PTPRD: variants seen among roughly 807,000 people sequenced by gnomAD.
PTPRD encodes the protein protein tyrosine phosphatase receptor type D, also known as receptor-type tyrosine-protein phosphatase delta.
Under a neutral mutation model 214.5 loss-of-function variants are expected in PTPRD, and 34 were observed. That is an observed-to-expected ratio of 0.16 (90% CI 0.12 to 0.21). The LOEUF (loss-of-function observed/expected upper bound fraction) is 0.21. PTPRD is among the 10% of genes least tolerant of loss of function. PTPRD has a pLI of 1.00. For synonymous variants in PTPRD, 1,128 were observed against 845.7 expected, an observed-to-expected ratio of 1.33 and a Z score of -5.79; for missense variants, 2,545 against 2,398.7, an observed-to-expected ratio of 1.06 and a Z score of -1.27.
At chr9:8,402,296 T>C (rs1018306469) in intron 36 of PTPRD, among the ~76,000 whole-genome samples, 1 of 152,174 alleles carries the variant, frequency 6.6e-6, no homozygotes, top group African/African-American at 2.4e-5. Flanking sequence ...TTTGCTTTTA[T>C]AATATAAAAC....
At chr9:9,497,889 C>G (rs984130305) in intron 8 of PTPRD, among the ~76,000 whole-genome samples, 3 of 152,144 alleles carry the variant, frequency 2.0e-5, no homozygotes, top group African/African-American at 4.8e-5. Flanking sequence ...CAGCCAGAAT[C>G]TTCACATATC....
chr9:9,301,636 T>G (rs991846344), intron 9 of PTPRD, among the ~76,000 whole-genome samples: 4 of 151,926 alleles, frequency 2.6e-5, no homozygotes, highest in African/African-American at 9.7e-5. Flanking sequence ...AAGCCGACTT[T>G]TGATGGAACA....
At chr9:8,793,322 G>T (rs189057875) in intron 11 of PTPRD, among the ~76,000 whole-genome samples, 4 of 152,218 alleles carry the variant, frequency 2.6e-5, no homozygotes. Context: ...AACTGATAAG[G>T]AATTGAGGGT....
At chr9:8,342,615 G>A (rs900443930) in intron 39 of PTPRD, among the ~76,000 whole-genome samples, 3 of 152,172 alleles carry the variant, frequency 2.0e-5, no homozygotes, top group Admixed American at 1.3e-4. Flanking sequence ...TTAGGTAACA[G>A]GCAACAGACA....
intron 44 of PTPRD, among the ~76,000 whole-genome samples, chr9:8,320,535 C>G (rs1826325717): frequency 6.6e-6 from 1 of 151,582 alleles, no homozygotes; most frequent in African/African-American, 2.4e-5. Flanking sequence ...TTCACTTAGT[C>G]TTCAGGAGGG....
At chr9:8,525,098 G>T in intron 17 of PTPRD, 63 bp from the exon 18 acceptor site, 1 of 1,369,348 alleles carries the variant, frequency 7.3e-7, no homozygotes, top group Non-Finnish European at 1.0e-6. Context: ...AGTTCAGAAA[G>T]CTAAACCTCT....
intron 14 of PTPRD, among the ~76,000 whole-genome samples, chr9:8,559,542 A>G (rs1005420513): frequency 3.9e-5 from 6 of 152,182 alleles, no homozygotes; most frequent in African/African-American, 1.4e-4. Context: ...TCCTTTGTGG[A>G]TGTTCCCATC....
At chr9:9,796,000 T>C (rs1212759400) in intron 5 of PTPRD, among the ~76,000 whole-genome samples, 1 of 152,148 alleles carries the variant, frequency 6.6e-6, no homozygotes, top group East Asian at 1.9e-4. Flanking sequence ...AAAGAAAATA[T>C]ATAGAATTAC....
intron 8 of PTPRD, among the ~76,000 whole-genome samples, chr9:9,411,210 T>C (rs879653922): frequency 1.3e-5 from 2 of 151,436 alleles, no homozygotes; most frequent in Non-Finnish European, 2.9e-5. Context: ...CCCAATAATA[T>C]ATTAGAGTTT....
intron 9 of PTPRD, among the ~76,000 whole-genome samples, chr9:9,317,392 T>C (rs1234594953): frequency 6.6e-6 from 1 of 152,202 alleles, no homozygotes; most frequent in East Asian, 1.9e-4. Flanking sequence ...AACTTATTAT[T>C]CTTCCTTAAA....
chr9:8,452,915 G>C (rs1452642205), intron 33 of PTPRD, among the ~76,000 whole-genome samples: 1 of 152,090 alleles, frequency 6.6e-6, no homozygotes, highest in Non-Finnish European at 1.5e-5. Flanking sequence ...GTGAGAAGAG[G>C]CTTTTGAAAG....
chr9:8,444,098 T>C (rs1405324238), intron 34 of PTPRD, among the ~76,000 whole-genome samples: 1 of 152,154 alleles, frequency 6.6e-6, no homozygotes, highest in Non-Finnish European at 1.5e-5. Flanking sequence ...CTATCATATT[T>C]CCAGGTGTCT....
intron 12 of PTPRD, among the ~76,000 whole-genome samples, chr9:8,651,065 C>G (rs963961127): frequency 3.9e-5 from 6 of 151,984 alleles, no homozygotes; most frequent in African/African-American, 1.4e-4. Flanking sequence ...AGCAAGAAAC[C>G]AAACGGTATT....
chr9:10,076,079 C>A (rs201645729), intron 3 of PTPRD, among the ~76,000 whole-genome samples: 2 of 152,030 alleles, frequency 1.3e-5, no homozygotes, highest in East Asian at 1.9e-4. Flanking sequence ...CTGATCTATT[C>A]CCTCTTCCCA....
intron 24 of PTPRD, among the ~76,000 whole-genome samples, chr9:8,500,440 C>T (rs1206113581): frequency 6.7e-6 from 1 of 149,808 alleles, no homozygotes; most frequent in Admixed American, 6.7e-5. Context: ...CTACAAAAAG[C>T]CAAGAAAAAC....
intron 2 of PTPRD, among the ~76,000 whole-genome samples, chr9:10,590,375 TTTTTC>T: frequency 6.6e-6 from 1 of 151,924 alleles, no homozygotes; most frequent in Non-Finnish European, 1.5e-5. Flanking sequence ...AAATGAGCAG[TTTTTC>T]AAACACATAT....
intron 10 of PTPRD, among the ~76,000 whole-genome samples, chr9:9,065,717 A>G (rs753466332): frequency 2.0e-4 from 30 of 152,164 alleles, no homozygotes; most frequent in Non-Finnish European, 3.5e-4. Context: ...TTAGACTACA[A>G]ACTTTCCCTC....
chr9:8,347,549 G>A (rs1268512836), intron 39 of PTPRD, among the ~76,000 whole-genome samples: 1 of 152,150 alleles, frequency 6.6e-6, no homozygotes, highest in Non-Finnish European at 1.5e-5. Flanking sequence ...GATGCTGGTA[G>A]AGCACCTTTG....
At chr9:9,735,553 T>A (rs2098277726) in intron 6 of PTPRD, among the ~76,000 whole-genome samples, 2 of 152,090 alleles carry the variant, frequency 1.3e-5, no homozygotes, top group South Asian at 4.1e-4. Context: ...GTTATTTCTG[T>A]TGGGCCAGAA....
Sources: allele counts gnomAD v4.1 joint callset (sites outside exome capture counted in the v4.1 genomes callset), GRCh38; gene constraint gnomAD v4.1.1; transcripts MANE v1.5; gene names NCBI Gene and HGNC (gene_info 2026-07-23, HGNC 2026-07-21).